ADAMTSL1: variants seen among roughly 807,000 people sequenced by gnomAD.
The protein encoded by ADAMTSL1 is ADAMTS like 1.
In ADAMTSL1, 126 loss-of-function variants were observed where a neutral mutation model predicts 201.8. The observed-to-expected ratio is 0.62, with a 90% CI of 0.54 to 0.72. ADAMTSL1 has a LOEUF of 0.72. Ranked by LOEUF, ADAMTSL1 falls within the 30% of genes least tolerant of loss-of-function variation. The pLI, the probability that ADAMTSL1 is intolerant of heterozygous loss-of-function variation, is 0.00. For missense variants in ADAMTSL1, 2,679 were observed against 2,277.8 expected (o/e 1.18, Z -3.59); for synonymous variants, 1,121 against 903.4 (o/e 1.24, Z -4.32).
intron 1 of ADAMTSL1, among the ~76,000 whole-genome samples, chr9:17,975,251 A>C (rs941877609): frequency 5.9e-5 from 9 of 151,692 alleles, no homozygotes; most frequent in Admixed American, 4.6e-4. Flanking sequence ...AGTTCTTTAC[A>C]TGTTTTGGTT....
chr9:18,039,346 A>AT (rs959918609), intron 1 of ADAMTSL1, among the ~76,000 whole-genome samples: 13 of 151,492 alleles, frequency 8.6e-5, no homozygotes, highest in East Asian at 1.9e-4. Context: ...ATATTACTGT[A>AT]TTTTTTTTTA....
At chr9:18,607,352 C>T (rs191779218) in intron 4 of ADAMTSL1, among the ~76,000 whole-genome samples, 1 of 152,228 alleles carries the variant, frequency 6.6e-6, no homozygotes, top group Non-Finnish European at 1.5e-5. Flanking sequence ...CCATAAAATT[C>T]GTGGTCAAAT....
At chr9:18,190,828 A>C (rs1828939964) in intron 2 of ADAMTSL1, among the ~76,000 whole-genome samples, 1 of 152,168 alleles carries the variant, frequency 6.6e-6, no homozygotes, top group South Asian at 2.1e-4. Flanking sequence ...ACAAGACTGG[A>C]AAGACCAGTT....
chr9:17,980,294 A>G (rs1349055236), intron 1 of ADAMTSL1, among the ~76,000 whole-genome samples: 2 of 151,956 alleles, frequency 1.3e-5, no homozygotes, highest in Non-Finnish European at 2.9e-5. Flanking sequence ...AGAAATTCCT[A>G]TTCTTCCATC....
At chr9:18,206,365 A>G (rs1829649017) in intron 2 of ADAMTSL1, among the ~76,000 whole-genome samples, 1 of 152,130 alleles carries the variant, frequency 6.6e-6, no homozygotes, top group African/African-American at 2.4e-5. Flanking sequence ...CTAGAGCAGC[A>G]TGTCTGCTGC....
At chr9:18,232,044 G>A (rs999788482) in intron 2 of ADAMTSL1, among the ~76,000 whole-genome samples, 2 of 152,060 alleles carry the variant, frequency 1.3e-5, no homozygotes, top group Non-Finnish European at 2.9e-5. Context: ...AAGTCACATC[G>A]TGTCACCCCT....
chr9:18,697,020 CAGG>C (rs1831598674), intron 13 of ADAMTSL1, among the ~76,000 whole-genome samples: 1 of 151,584 alleles, frequency 6.6e-6, no homozygotes, highest in Non-Finnish European at 1.5e-5. Context: ...GCTGGGATTA[CAGG>C]TGTGTGCCGC....
At chr9:18,692,365 G>C (rs1409667345) in intron 13 of ADAMTSL1, among the ~76,000 whole-genome samples, 4 of 148,862 alleles carry the variant, frequency 2.7e-5, no homozygotes, top group Non-Finnish European at 5.9e-5. Flanking sequence ...CCGTTTTTTT[G>C]TAGTCATTCC....
At chr9:18,544,664 A>G (rs1038434051) in intron 3 of ADAMTSL1, among the ~76,000 whole-genome samples, 8 of 152,324 alleles carry the variant, frequency 5.3e-5, no homozygotes, top group South Asian at 2.1e-4. Context: ...CTGACAAGCA[A>G]TCACCTATAT....
Position 18,776,848 on chromosome 9 carries a change from T to C in ADAMTSL1, c.2619T>C (p.Thr873=), listed in dbSNP as rs1375992515. The change falls in exon 19 of 29, where the codon ACT becomes ACC. Residue 873 remains threonine (T), a synonymous_variant. Coordinates refer to ENST00000380548, the MANE Select transcript of ADAMTSL1 (RefSeq NM_001040272.6). The stretch of plus-strand genomic sequence containing the variant: ...CCGCCAGGAAGGTCTACATACAGAC[T>C]CGCAGGCAGAGGAAGCTGCACTTCG... ...IAAARKVYIQ[T]RRQRKLHFVV... 4 of 1,603,672 alleles carry C rather than the reference T, an allele frequency of 2.5e-6. No individual in the cohort carries two copies. The South Asian group carries it at 3.4e-5, about 13-fold the overall frequency.
chr9:17,928,005 T>C (rs1370453211), intron 1 of ADAMTSL1, among the ~76,000 whole-genome samples: 1 of 151,692 alleles, frequency 6.6e-6, no homozygotes, highest in Non-Finnish European at 1.5e-5. Context: ...CTTTTTTTTT[T>C]TTTTTTTGAG....
intron 23 of ADAMTSL1, among the ~76,000 whole-genome samples, chr9:18,849,284 C>T (rs566767439): frequency 2.0e-5 from 3 of 152,114 alleles, no homozygotes; most frequent in Non-Finnish European, 4.4e-5. Flanking sequence ...CTTTATCATC[C>T]GTCCCACATA....
chr9:18,221,495 C>T (rs1167572544), intron 2 of ADAMTSL1, among the ~76,000 whole-genome samples: 1 of 152,134 alleles, frequency 6.6e-6, no homozygotes, highest in Non-Finnish European at 1.5e-5. Flanking sequence ...TCTCTCTATA[C>T]TGCACTAAGT....
At chr9:18,623,878 G>A (rs1238961520) in intron 5 of ADAMTSL1, among the ~76,000 whole-genome samples, 1 of 152,166 alleles carries the variant, frequency 6.6e-6, no homozygotes, top group Non-Finnish European at 1.5e-5. Context: ...TTTACTGAAT[G>A]TGTTTTGTTA....
chr9:17,973,424 C>A (rs1245014496), intron 1 of ADAMTSL1, among the ~76,000 whole-genome samples: 1 of 127,038 alleles, frequency 7.9e-6, no homozygotes, highest in African/African-American at 2.6e-5. Flanking sequence ...AATAGGGAAT[C>A]CTTTCCCCAT....
At chr9:18,206,023 C>T (rs2132293815) in intron 2 of ADAMTSL1, among the ~76,000 whole-genome samples, 1 of 119,942 alleles carries the variant, frequency 8.3e-6, no homozygotes, top group Admixed American at 1.1e-4. Flanking sequence ...CATTGCACCT[C>T]ACCCTGGGCA....
chr9:18,023,210 A>G (rs1395762008), intron 1 of ADAMTSL1, among the ~76,000 whole-genome samples: 1 of 152,138 alleles, frequency 6.6e-6, no homozygotes, highest in Middle Eastern at 3.2e-3. Flanking sequence ...TGTGGGCTGC[A>G]TTAGAATCAC....
intron 2 of ADAMTSL1, among the ~76,000 whole-genome samples, chr9:18,452,869 G>A (rs1255512365): frequency 6.6e-6 from 1 of 152,248 alleles, no homozygotes; most frequent in Non-Finnish European, 1.5e-5. Context: ...AGCAGCTCAC[G>A]TAGGTTGGAG....
rs1277704089 is a variant in ADAMTSL1 at position 18,661,999 on chromosome 9, C to A, written c.1011C>A (p.Tyr337Ter). 1.2e-6 allele frequency: 2 copies of A among 1,614,098 alleles called. No individual in the cohort carries two copies. Among genetic ancestry groups the A allele is most frequent in the South Asian group, 1.1e-5 (1 of 91,074 alleles). Residue 337 changes from tyrosine to a stop codon, truncating the protein, a stop_gained, in exon 9 of 29, where the codon TAC (tyrosine) becomes TAA (stop). Coordinates refer to ENST00000380548, the MANE Select transcript of ADAMTSL1 (RefSeq NM_001040272.6). LOFTEE classifies it high-confidence loss of function. ...LRSNRVVADQ[Y>*]CHYYPENIKP... ...GCAACCGTGTGGTTGCTGACCAATA[C>A]TGTCACTATTACCCAGAGAACATCA...
Sources: gnomAD v4.1 joint callset for allele counts (sites outside exome capture counted in the v4.1 genomes callset) on GRCh38, gnomAD v4.1.1 for gene constraint, MANE v1.5 for transcripts, NCBI Gene and HGNC (gene_info 2026-07-23, HGNC 2026-07-21) for gene names.